PLXNB3: variants seen among roughly 807,000 people sequenced by gnomAD.
PLXNB3 encodes plexin-B3.
PLXNB3 carries 80 observed loss-of-function variants against 125.7 expected under a neutral mutation model. The observed-to-expected ratio is 0.64, with a 90% CI of 0.53 to 0.77. PLXNB3 has a LOEUF of 0.77. Ranked by LOEUF, PLXNB3 falls within the 30% of genes least tolerant of loss-of-function variation. PLXNB3 has a pLI of 0.00. For missense variants in PLXNB3, 1,836 were observed against 1,729.3 expected (o/e 1.06, Z -1.09); for synonymous variants, 954 against 783.3 (o/e 1.22, Z -3.64).
chrX:153,772,389 A>G, intron 16 of PLXNB3, 102 bp downstream of exon 16: 1 of 619,545 alleles, frequency 1.6e-6, no homozygotes, highest in South Asian at 2.8e-5. Context: ...TGCGGGGAGC[A>G]GGAAGCACCG....
At chrX:153,776,621 G>A (rs1198447682) in intron 28 of PLXNB3, among the ~76,000 whole-genome samples, 162 bp downstream of exon 28, 2 of 36,624 alleles carry the variant, frequency 5.5e-5, no homozygotes, top group African/African-American at 2.3e-4. Flanking sequence ...GGTGGGGAGG[G>A]GCGAGGCAGA....
intron 6 of PLXNB3, among the ~76,000 whole-genome samples, chrX:153,769,527 C>G (rs2091899772): frequency 8.9e-6 from 1 of 112,838 alleles, no homozygotes; most frequent in Non-Finnish European, 1.9e-5. Flanking sequence ...TGTCCTCCAG[C>G]CGGTGCTCCA....
At chrX:153,765,424 G>A (rs1557058797) in intron 1 of PLXNB3, 47 bp from the exon 2 acceptor site, 2 of 1,015,947 alleles carry the variant, frequency 2.0e-6, no homozygotes, top group Non-Finnish European at 1.3e-6. Flanking sequence ...TCCTTCCCCA[G>A]GCCAGCTCGA....
rs782415380 is a variant in PLXNB3, at chrX:153,769,867, TGAG to T, written c.1563_1565del (p.Glu521del). On this transcript the variant is annotated inframe_deletion, in exon 7 of 36. Transcript: ENST00000361971. ...AGCTGAACCAGTGGCTGTGGAGTTA[TGAG>T]GAGGACAGCCACTGCCTGCACATCC... The T allele has an allele frequency of 7.5e-6, 9 of 1,205,766 alleles. No homozygotes were observed. The highest frequency in any genetic ancestry group is 1.0e-5 in the Non-Finnish European group (9 of 893,519).
rs2091981458 is a variant in PLXNB3, at chrX:153,776,007, C to T, written c.4522C>T (p.Arg1508Trp). 1 of 1,206,807 alleles carries T rather than the reference C, an allele frequency of 8.3e-7. No homozygotes were observed. The highest frequency in any genetic ancestry group is 2.2e-5 in the Admixed American group (1 of 45,616). The change falls in exon 27 of 36, where the codon CGG becomes TGG. Residue 1508 changes from arginine to tryptophan, a missense_variant. Physicochemically the swap from Arg to Trp is moderately radical, Grantham distance 101 (BLOSUM62 -3). Coordinates refer to ENST00000361971, the MANE Select transcript of PLXNB3 (RefSeq NM_005393.3). ...KRTLNDSRLL[R>W]EDVEFQPLTL... ...GACCCTGAATGATAGCCGCTTGCTG[C>T]GGGAGGACGTGGAGTTCCAGCCCCT...
intron 31 of PLXNB3, 42 bp downstream of exon 31, chrX:153,777,730 A>T: frequency 8.5e-7 from 1 of 1,181,150 alleles, no homozygotes. Flanking sequence ...CATATGGTCC[A>T]CTGAGTCCCA....
Position 153,774,533 on chromosome X carries a change from G to A in PLXNB3, c.3792G>A (p.Val1264=), listed in dbSNP as rs1557063298. ...AQAGVGMGAA[V]LIAAVLLLTL... ...CAGGCGTGGGCATGGGTGCTGCAGT[G>A]CTGATTGCCGCCGTGCTCCTCCTCA... Residue 1264 remains valine (V), a synonymous_variant, in exon 22 of 36, where the codon GTG becomes GTA. Transcript: ENST00000361971. 5.8e-6 allele frequency: 7 copies of A among 1,207,859 alleles called. No individual in the cohort carries two copies. Among genetic ancestry groups the A allele is most frequent in the Non-Finnish European group, 7.8e-6 (7 of 893,919 alleles).
chrX:153,777,406 C>T (rs1557064830), intron 30 of PLXNB3, 26 bp downstream of exon 30: 2 of 1,184,322 alleles, frequency 1.7e-6, no homozygotes, highest in South Asian at 1.9e-5. Context: ...GTGGCTGGGC[C>T]TGAGAGGAGG....
intron 17 of PLXNB3, 100 bp downstream of exon 17, chrX:153,773,116 G>A (rs1231858519): frequency 3.6e-5 from 39 of 1,075,405 alleles, no homozygotes; most frequent in Non-Finnish European, 4.3e-5. Flanking sequence ...ACCCCCAGTG[G>A]TCCCTGCCCT....
At chrX:153,769,369 G>C in intron 6 of PLXNB3, 107 bp downstream of exon 6, 1 of 612,610 alleles carries the variant, frequency 1.6e-6, no homozygotes, top group Non-Finnish European at 2.6e-6. Flanking sequence ...CTGCCTGTTG[G>C]AGAGACTCAG....
rs1436531616 is a variant in PLXNB3, at chrX:153,775,328, C to T, written c.4259C>T (p.Thr1420Met). 9.9e-6 allele frequency: 12 copies of T among 1,209,331 alleles called. No individual in the cohort carries two copies. Among genetic ancestry groups the T allele is most frequent in the African/African-American group, 1.7e-5 (1 of 57,646 alleles). ...CTACACGGCAAGCTGGAGTACCTGA[C>T]GGACATCATGAGGACCCTGCTGGGT... is the stretch of plus-strand genomic sequence containing the variant. ...LALHGKLEYL[T>M]DIMRTLLGDL... Residue 1420 changes from threonine to methionine, a missense_variant, in exon 25 of 36, where the codon ACG (threonine) becomes ATG (methionine). By Grantham distance (81) the Thr-to-Met change is moderately conservative. Coordinates refer to ENST00000361971, the MANE Select transcript of PLXNB3 (RefSeq NM_005393.3).
Position 153,767,694 on chromosome X carries a change from C to T in PLXNB3, c.867C>T (p.Ile289=). Residue 289 remains isoleucine, a synonymous_variant, in exon 3 of 36, where the codon ATC becomes ATT. Transcript: ENST00000361971. ...VPLACQGQGL[I]QAAFLAPGTL... is the part of the protein sequence containing the mutation. ...TCGCCTGCCAGGGCCAGGGCCTCAT[C>T]CAGGCCGCCTTCCTTGCCCCGGGCA... 8.4e-7 allele frequency: 1 copy of T among 1,185,488 alleles called. No individual in the cohort carries two copies. The highest frequency in any genetic ancestry group is 1.1e-6 in the Non-Finnish European group (1 of 882,230).
chrX:153,770,834 G>C lies in PLXNB3; in HGVS notation c.2087G>C (p.Gly696Ala). 1 of 1,209,388 alleles carries C rather than the reference G, an allele frequency of 8.3e-7. No individual in the cohort carries two copies. Among genetic ancestry groups the C allele is most frequent in the Non-Finnish European group, 1.1e-6 (1 of 893,897 alleles). ...GLAGPHLVPV[G>A]WESHLALRVR... The stretch of plus-strand genomic sequence containing the variant: ...GCAGGTCCCCACCTGGTGCCTGTGG[G>C]CTGGGAGAGCCATTTGGCCCTACGC... The change falls in exon 11 of 36, where the codon GGC (glycine) becomes GCC (alanine). Residue 696 changes from glycine (G) to alanine (A), a missense_variant. Coordinates refer to ENST00000361971, the MANE Select transcript of PLXNB3 (RefSeq NM_005393.3).
rs781826425 is a variant in PLXNB3, at chrX:153,775,351, G to A, written c.4282G>A (p.Gly1428Ser). The A allele has an allele frequency of 4.1e-6, 5 of 1,209,432 alleles. No individual in the cohort carries two copies. In the African/African-American group the frequency reaches 5.2e-5, roughly 13 times the overall value. The part of the protein sequence containing the change: ...YLTDIMRTLL[G>S]DLAAHYVHRN... The stretch of plus-strand genomic sequence containing the variant: ...GACGGACATCATGAGGACCCTGCTG[G>A]GTGACCTGGCGGCCCATTACGTGCA... The change falls in exon 25 of 36, where the codon GGT (glycine) becomes AGT (serine). Residue 1428 changes from glycine to serine, a missense_variant. Transcript: ENST00000361971.
At position 153,775,109 on chromosome X, in the gene PLXNB3, G is replaced by C; in HGVS notation, c.4155+6G>C. ...GCAAGCTCTTCCTCCTCACGGTGAG[G>C]GCCGTGTGGCGGGAGTGCCCAGTGG... is the stretch of plus-strand genomic sequence containing the variant. On this transcript the variant is annotated splice_donor_region_variant and intron_variant, in intron 24 of 35. Transcript: ENST00000361971. The C allele has an allele frequency of 8.4e-7, 1 of 1,189,768 alleles. No homozygotes were observed. Among genetic ancestry groups the C allele is most frequent in the Non-Finnish European group, 1.1e-6 (1 of 883,712 alleles).
At position 153,772,321 on chromosome X, in the gene PLXNB3, G is replaced by A. The variant is rs781809170; in HGVS notation, c.2775+34G>A. On this transcript the variant is annotated intron_variant, in intron 16 of 35. Transcript: ENST00000361971. ...CCTCCCAGGTGTGCCCTACGCAGGG[G>A]AGGGTAGGAGGGAGGGCCAGGAAGG... is the stretch of plus-strand genomic sequence containing the variant. 3 of 1,029,323 alleles carry A rather than the reference G, an allele frequency of 2.9e-6. No individual in the cohort carries two copies. In the South Asian group the frequency reaches 6.2e-5, roughly 21 times the overall value. The allele number at this position is 1,029,323 out of a possible 1,213,427, so 84.8% of individuals were successfully genotyped here. A position where few individuals can be genotyped will look rare whatever the true frequency, so the allele number is the denominator to read the frequency against.
At chrX:153,776,488 C>T (rs782237285) in intron 28 of PLXNB3, 29 bp downstream of exon 28, 2 of 229,335 alleles carry the variant, frequency 8.7e-6, no homozygotes, top group Non-Finnish European at 8.4e-6. Context: ...CGAGGCAGGG[C>T]GGGGCTGGGG....
At chrX:153,766,338 C>T in intron 2 of PLXNB3, 9 of 1,147,870 alleles carry the variant, frequency 7.8e-6, no homozygotes, top group South Asian at 2.0e-5. Context: ...GGTTTTCTCT[C>T]CCTGTCTGGT....
intron 2 of PLXNB3, chrX:153,766,381 A>C: frequency 9.2e-7 from 1 of 1,088,557 alleles, no homozygotes; most frequent in Non-Finnish European, 1.2e-6. Context: ...CACTCCTCTC[A>C]CCTGACTTAG....
Sources: gnomAD v4.1 joint callset for allele counts (sites outside exome capture counted in the v4.1 genomes callset) on GRCh38, gnomAD v4.1.1 for gene constraint, MANE v1.5 for transcripts, NCBI Gene and HGNC (gene_info 2026-07-23, HGNC 2026-07-21) for gene names.